Variants in TXLNB observed in about 807,000 individuals in gnomAD.
The protein encoded by TXLNB is taxilin beta.
A neutral mutation model predicts 57.4 loss-of-function variants in TXLNB; 37 were observed. The observed-to-expected ratio is 0.64, with a 90% CI of 0.50 to 0.85. The LOEUF (loss-of-function observed/expected upper bound fraction) is 0.85, where lower values mean the gene tolerates loss of function less well. Ranked by LOEUF, TXLNB falls within the 40% of genes least tolerant of loss-of-function variation. The probability of loss-of-function intolerance (pLI) is 0.00; values close to 1 mark genes in which losing one functional copy is unlikely to be tolerated. For missense variants in TXLNB, 848 were observed against 825.6 expected, an observed-to-expected ratio of 1.03 and a Z score of -0.33; for synonymous variants, 302 against 309.6, an observed-to-expected ratio of 0.98 and a Z score of 0.26.
At chr6:139,262,945 G>A (rs1776523797) in intron 4 of TXLNB, among the ~76,000 whole-genome samples, 172 bp from the exon 5 acceptor site, 1 of 152,234 alleles carries the variant, frequency 6.6e-6, no homozygotes, top group African/African-American at 2.4e-5. Flanking sequence ...GGTTTCAGCT[G>A]TGAGTACATA....
intron 2 of TXLNB, among the ~76,000 whole-genome samples, chr6:139,284,578 C>A (rs1010007588): frequency 1.4e-5 from 2 of 144,960 alleles, no homozygotes; most frequent in Admixed American, 1.4e-4. Context: ...TCATTGAGGA[C>A]GTGAGGATAG....
the TXLNB span, among the ~76,000 whole-genome samples, chr6:139,214,284 T>C: frequency 6.6e-6 from 1 of 152,152 alleles, no homozygotes; most frequent in Non-Finnish European, 1.5e-5. Context: ...TCCACCATGA[T>C]CAAGTGGGCT....
Position 139,288,512 on chromosome 6 carries a change from C to T in TXLNB, c.388G>A (p.Glu130Lys), listed in dbSNP as rs926992823. 1 of 1,614,170 alleles carries T rather than the reference C, an allele frequency of 6.2e-7. No homozygotes were observed. The highest frequency in any genetic ancestry group is 8.5e-7 in the Non-Finnish European group (1 of 1,180,016). ...PTVKEPVSNK[E>K]QKLEKKILKG... ...AGGATTTTCTTTTCCAATTTTTGCT[C>T]CTTATTGCTGACGGGCTCTTTGACA... is the stretch of plus-strand genomic sequence containing the variant. Residue 130 changes from glutamate to lysine, a missense_variant, in exon 2 of 10, where the codon GAG becomes AAG. Physicochemically the swap from Glu to Lys is moderately conservative, Grantham distance 56 (BLOSUM62 1). Coordinates refer to ENST00000358430, the MANE Select transcript of TXLNB (RefSeq NM_153235.4).
chr6:139,214,691 C>T, the TXLNB span, among the ~76,000 whole-genome samples: 429 of 152,308 alleles, frequency 2.8e-3, 2 homozygotes, highest in African/African-American at 0.01. Flanking sequence ...GTCAAATTGT[C>T]CCTCTTTGCA....
At chr6:139,259,552 C>A (rs1334869448) in intron 6 of TXLNB, among the ~76,000 whole-genome samples, 3 of 152,184 alleles carry the variant, frequency 2.0e-5, no homozygotes, top group Non-Finnish European at 4.4e-5. Context: ...CTCCAGGAGG[C>A]CTTCCTGGTC....
At chr6:139,169,325 C>T in the TXLNB span, among the ~76,000 whole-genome samples, 1 of 151,728 alleles carries the variant, frequency 6.6e-6, no homozygotes. Context: ...CTTTATTCTG[C>T]TTTATGGAAA....
At chr6:139,212,734 A>C in the TXLNB span, among the ~76,000 whole-genome samples, 1 of 152,216 alleles carries the variant, frequency 6.6e-6, no homozygotes, top group Non-Finnish European at 1.5e-5. Flanking sequence ...CAGGAGACCC[A>C]TCTCACATGC....
At chr6:139,257,686 G>A (rs917119813) in intron 6 of TXLNB, among the ~76,000 whole-genome samples, 1 of 152,030 alleles carries the variant, frequency 6.6e-6, no homozygotes, top group Middle Eastern at 3.2e-3. Context: ...TTGAAGATAA[G>A]CTGATTAAAA....
intron 8 of TXLNB, among the ~76,000 whole-genome samples, chr6:139,247,287 G>A (rs1031636561): frequency 2.0e-5 from 3 of 151,804 alleles, no homozygotes; most frequent in African/African-American, 2.4e-5. Context: ...GACTACAGGC[G>A]CATGCCACCA....
chr6:139,178,009 A>G, the TXLNB span: 7 of 152,216 alleles, frequency 4.6e-5, no homozygotes, highest in African/African-American at 1.7e-4. Flanking sequence ...TGCCACATTT[A>G]TTGTCCTCAA....
At chr6:139,211,209 G>A in the TXLNB span, among the ~76,000 whole-genome samples, 1 of 152,226 alleles carries the variant, frequency 6.6e-6, no homozygotes, top group East Asian at 1.9e-4. Context: ...CCCCTGAGTA[G>A]CCTAACTGGG....
rs372348432 is a variant in TXLNB, at chr6:139,255,650, G to A, written c.1003-12C>T. On this transcript the variant is annotated splice_polypyrimidine_tract_variant and intron_variant, in intron 6 of 9. Transcript: ENST00000358430. ...GCCTGGTTCAGCAACTATGAGAAGA[G>A]AGAGTGTGTGGAAAGATGGTCAGAT... 161 of 1,610,220 alleles carry A rather than the reference G, an allele frequency of 1.0e-4. No individual in the cohort carries two copies. Among genetic ancestry groups the A allele is most frequent in the Non-Finnish European group, 1.2e-4 (144 of 1,177,112 alleles).
intron 3 of TXLNB, 26 bp downstream of exon 3, chr6:139,276,804 G>T: frequency 6.4e-7 from 1 of 1,574,678 alleles, no homozygotes; most frequent in Non-Finnish European, 8.7e-7. Flanking sequence ...ATCGTTCTGA[G>T]AAAAGAAGCT....
chr6:139,235,783 G>A (rs758062340), downstream of TXLNB, among the ~76,000 whole-genome samples: 4 of 151,920 alleles, frequency 2.6e-5, no homozygotes, highest in Admixed American at 1.3e-4. Context: ...ATCCGGGCCC[G>A]CCACGCCCCC....
Position 139,255,578 on chromosome 6 carries a change from C to T in TXLNB, c.1063G>A (p.Val355Ile). 6.2e-7 allele frequency: 1 copy of T among 1,613,950 alleles called. No individual in the cohort carries two copies. The highest frequency in any genetic ancestry group is 8.5e-7 in the Non-Finnish European group (1 of 1,179,880). The change falls in exon 7 of 10, where the codon GTC becomes ATC. Residue 355 changes from valine (V) to isoleucine (I), a missense_variant. Transcript: ENST00000358430. The part of the protein sequence containing the change: ...QAKVLKEQET[V>I]LQAQLTLYSG... ...CCTGGCCTCACCTGAGCCTGCAGGA[C>T]TGTCTCTTGCTCCTTCAGCACTTTC...
At chr6:139,206,931 A>C in the TXLNB span, among the ~76,000 whole-genome samples, 17 of 152,256 alleles carry the variant, frequency 1.1e-4, no homozygotes, top group Non-Finnish European at 1.5e-5. Context: ...GATTAGTCCA[A>C]CAGGAAGATA....
At chr6:139,311,353 G>C in the TXLNB span, among the ~76,000 whole-genome samples, 1 of 152,130 alleles carries the variant, frequency 6.6e-6, no homozygotes, top group African/African-American at 2.4e-5. Flanking sequence ...CCTCTTGAAT[G>C]GATAACTTAG....
the TXLNB span, among the ~76,000 whole-genome samples, chr6:139,184,994 T>A: frequency 8.1e-4 from 123 of 152,364 alleles, no homozygotes; most frequent in African/African-American, 2.8e-3. Context: ...TGCCTTTTTG[T>A]TATTTTCATC....
rs9495400 is a variant in TXLNB, at chr6:139,250,577, T to C, written c.1078-2668A>G. Among the ~76,000 whole-genome samples, 922 of 152,138 alleles carry C rather than the reference T, an allele frequency of 6.1e-3. 8 individuals are homozygous for C. Among genetic ancestry groups the C allele is most frequent in the African/African-American group, 0.021 (884 of 41,476 alleles). On this transcript the variant is annotated intron_variant, in intron 7 of 9. Transcript: ENST00000358430. Reference sequence around the variant, plus strand: ...ACCTTCTATCACAAAATCTTTTCATTTGTATTCTCAGCCCGGCCTCTTTTG... The same window carrying C: ...ACCTTCTATCACAAAATCTTTTCATCTGTATTCTCAGCCCGGCCTCTTTTG...
Sources: allele counts gnomAD v4.1 joint callset (sites outside exome capture counted in the v4.1 genomes callset), GRCh38; gene constraint gnomAD v4.1.1; transcripts MANE v1.5; gene names NCBI Gene and HGNC (gene_info 2026-07-23, HGNC 2026-07-21).